UGT2B4: variants seen among roughly 807,000 people sequenced by gnomAD.
The protein encoded by UGT2B4 is UDP-glucuronosyltransferase 2B4.
Under a neutral mutation model 49.8 loss-of-function variants are expected in UGT2B4, and 49 were observed. The ratio of observed to expected loss-of-function variants is 0.98; its 90% CI spans 0.78 to 1.25. The LOEUF (loss-of-function observed/expected upper bound fraction) is 1.25. UGT2B4 is among the 50% of genes most tolerant of loss of function. UGT2B4 has a pLI of 0.00. For synonymous variants in UGT2B4, 246 were observed against 217.7 expected, an observed-to-expected ratio of 1.13 and a Z score of -1.14; for missense variants, 729 against 627.7, an observed-to-expected ratio of 1.16 and a Z score of -1.73.
chr4:69,521,615 T>G (rs938646105), intron 1 of UGT2B4, among the ~76,000 whole-genome samples: 6 of 152,108 alleles, frequency 3.9e-5, no homozygotes, highest in African/African-American at 1.4e-4. Flanking sequence ...CCTAGCTTGA[T>G]GTTGGCAGGT....
chr4:69,525,025 T>C (rs2109837050), intron 1 of UGT2B4, among the ~76,000 whole-genome samples: 1 of 152,320 alleles, frequency 6.6e-6, no homozygotes, highest in South Asian at 2.1e-4. Flanking sequence ...GTGCCAGAGA[T>C]TATTTTTAAA....
At chr4:69,499,989 T>A (rs751667970), upstream of UGT2B4, among the ~76,000 whole-genome samples, 2 of 152,154 alleles carry the variant, frequency 1.3e-5, no homozygotes, top group Non-Finnish European at 2.9e-5. Context: ...AGAGATAGAA[T>A]CAACCCAAAT....
chr4:69,499,013 T>C (rs146794363), upstream of UGT2B4, among the ~76,000 whole-genome samples: 9 of 152,304 alleles, frequency 5.9e-5, no homozygotes, highest in African/African-American at 1.9e-4. Flanking sequence ...CCTTTAAATT[T>C]CCCGCTTAGC....
chr4:69,525,695 T>G, exon 1 of UGT2B4: 1 of 1,280,082 alleles, frequency 7.8e-7, no homozygotes, highest in Non-Finnish European at 1.0e-6. Flanking sequence ...ACCTAATCCA[T>G]TCGTTGATGA....
At chr4:69,522,223 T>C (rs1364226431) in intron 1 of UGT2B4, among the ~76,000 whole-genome samples, 1 of 141,636 alleles carries the variant, frequency 7.1e-6, no homozygotes, top group Non-Finnish European at 1.6e-5. Context: ...AAATCATATT[T>C]ACTTCACACA....
upstream of UGT2B4, among the ~76,000 whole-genome samples, chr4:69,497,463 T>C (rs41299950): frequency 6.6e-6 from 1 of 152,228 alleles, no homozygotes; most frequent in Non-Finnish European, 1.5e-5. Flanking sequence ...ACATAATGTC[T>C]CATTGTAATT....
intron 1 of UGT2B4, among the ~76,000 whole-genome samples, chr4:69,515,689 A>G (rs187013179): frequency 6.6e-6 from 1 of 152,318 alleles, no homozygotes; most frequent in East Asian, 1.9e-4. Flanking sequence ...ACAGACGTGA[A>G]AAATCACTTC....
chr4:69,485,342 G>T lies in UGT2B4; in HGVS notation c.1176C>A (p.Gly392=). The change falls in exon 5 of 6, where the codon GGC becomes GGA. Residue 392 remains glycine (G), a synonymous_variant. Transcript: ENST00000305107. ...CAGGTTGATCTGCAAACAATGGAAC[G>T]CCCACCATAGGGATTCCATGGTAGA... ...EAIYHGIPMV[G]VPLFADQPDN... 1 of 1,614,002 alleles carries T rather than the reference G, an allele frequency of 6.2e-7. No individual in the cohort carries two copies. Among genetic ancestry groups the T allele is most frequent in the Non-Finnish European group, 8.5e-7 (1 of 1,179,922 alleles).
At chr4:69,492,807 A>T (rs13116232) in intron 2 of UGT2B4, among the ~76,000 whole-genome samples, 28,562 of 152,048 alleles carry the variant, frequency 0.19, 3,052 homozygotes, top group Non-Finnish European at 0.25. Context: ...GGCATAGGTA[A>T]TTCTATCCAC....
upstream of UGT2B4, among the ~76,000 whole-genome samples, chr4:69,499,438 CTCTG>C (rs1728245088): frequency 6.6e-6 from 1 of 152,012 alleles, no homozygotes; most frequent in Non-Finnish European, 1.5e-5. Flanking sequence ...TGTTTTGAAA[CTCTG>C]TCTAATATTG....
intron 1 of UGT2B4, among the ~76,000 whole-genome samples, chr4:69,520,054 T>G (rs922305953): frequency 2.6e-5 from 4 of 152,208 alleles, no homozygotes; most frequent in Non-Finnish European, 4.4e-5. Context: ...TAATAGATTT[T>G]TTAAAAACTC....
intron 1 of UGT2B4, among the ~76,000 whole-genome samples, chr4:69,517,295 T>C (rs1728755658): frequency 6.6e-6 from 1 of 152,046 alleles, no homozygotes; most frequent in African/African-American, 2.4e-5. Flanking sequence ...ATAATAAAAC[T>C]ATCAAAAAAG....
chr4:69,487,294 T>G lies in UGT2B4; in HGVS notation c.1003-598A>C, dbSNP rs541241026. 2.0e-5 allele frequency among the ~76,000 whole-genome samples: 3 copies of G among 152,236 alleles called. No individual in the cohort carries two copies. The East Asian group carries it at 5.8e-4, about 29-fold the overall frequency. On this transcript the variant is annotated intron_variant, in intron 3 of 5. Transcript: ENST00000305107. ...TATGTTTACTACAGACAAATATACATTTTACTCTATATAAAACTATTCACC... is the reference window on the plus strand; with the variant it reads ...TATGTTTACTACAGACAAATATACAGTTTACTCTATATAAAACTATTCACC...
rs534592179 is a variant in UGT2B4 at position 69,516,024 on chromosome 4, G to A, written c.-106+9663C>T. ...CTGTTTCTCCTTCAGGTCCCAGTGT[G>A]TGTTGTTCCTTGTCATATGTCTGTG... On this transcript the variant is annotated intron_variant, in intron 1 of 1. Transcript: ENST00000510114. Among the ~76,000 whole-genome samples the A allele has an allele frequency of 3.3e-5, 5 of 152,238 alleles. No individual in the cohort carries two copies. In the South Asian group the frequency reaches 1.0e-3, roughly 32 times the overall value.
At chr4:69,522,046 G>A (rs1728862113) in intron 1 of UGT2B4, among the ~76,000 whole-genome samples, 1 of 152,090 alleles carries the variant, frequency 6.6e-6, no homozygotes, top group Non-Finnish European at 1.5e-5. Context: ...GTGTTCCTGA[G>A]GAAAACATCA....
At chr4:69,516,088 T>C (rs991136765) in intron 1 of UGT2B4, among the ~76,000 whole-genome samples, 11 of 152,106 alleles carry the variant, frequency 7.2e-5, no homozygotes, top group Admixed American at 3.9e-4. Flanking sequence ...AATGAGAAAA[T>C]GTGGTGTTTG....
rs1293458725 is a variant in UGT2B4 at position 69,480,789 on chromosome 4, C to T, written c.1432G>A (p.Val478Ile). ...MRHKGAKHLR[V>I]AAHDLTWFQY... The stretch of plus-strand genomic sequence containing the variant: ...AACCAGGTGAGGTCGTGGGCTGCAA[C>T]CCGAAGGTGCTTGGCTCCTTTATGG... Residue 478 changes from valine to isoleucine, a missense_variant, in exon 6 of 6, where the codon GTT becomes ATT. Transcript: ENST00000305107. 2.5e-6 allele frequency: 4 copies of T among 1,613,818 alleles called. No homozygotes were observed. The South Asian group carries it at 4.4e-5, about 18-fold the overall frequency.
rs777166912 is a variant in UGT2B4 at position 69,495,433 on chromosome 4, T to G, written c.429A>C (p.Ser143=). The G allele has an allele frequency of 5.0e-6, 8 of 1,613,896 alleles. No individual in the cohort carries two copies. Among genetic ancestry groups the G allele is most frequent in the Admixed American group, 1.7e-5 (1 of 59,950 alleles). Reference sequence around the variant, plus strand: ...CATCTGCAAGAACAACATCAAATCTTGACTCCTGTAGTTTCTTCATAAGTT... The same window carrying G: ...CATCTGCAAGAACAACATCAAATCTGGACTCCTGTAGTTTCTTCATAAGTT... The part of the protein sequence containing the change: ...NKKLMKKLQE[S]RFDVVLADAV... The change falls in exon 1 of 6, where the codon TCA becomes TCC. Residue 143 remains serine, a synonymous_variant. Coordinates refer to ENST00000305107, the MANE Select transcript of UGT2B4 (RefSeq NM_021139.3).
At chr4:69,506,883 A>T (rs72848460) in intron 1 of UGT2B4, among the ~76,000 whole-genome samples, 2 of 152,158 alleles carry the variant, frequency 1.3e-5, no homozygotes, top group Admixed American at 6.5e-5. Context: ...ACCATGATCA[A>T]GTAGGCATTA....
Sources: allele counts gnomAD v4.1 joint callset (sites outside exome capture counted in the v4.1 genomes callset), GRCh38; gene constraint gnomAD v4.1.1; transcripts MANE v1.5; gene names NCBI Gene and HGNC (gene_info 2026-07-23, HGNC 2026-07-21).